The following SRRM4 variants were observed in gnomAD, a reference collection of about 807,000 sequenced individuals.
SRRM4 encodes serine/arginine repetitive matrix 4, also known as serine/arginine repetitive matrix protein 4.
A neutral mutation model predicts 68.9 loss-of-function variants in SRRM4; 33 were observed. That is an observed-to-expected ratio of 0.48 (90% CI 0.36 to 0.64). The LOEUF (loss-of-function observed/expected upper bound fraction) is 0.64. SRRM4 is among the 30% of genes least tolerant of loss of function. The pLI, the probability that SRRM4 is intolerant of heterozygous loss-of-function variation, is 0.00. For missense variants in SRRM4, 817 were observed against 827.1 expected, an observed-to-expected ratio of 0.99 and a Z score of 0.15; for synonymous variants, 318 against 318.8, an observed-to-expected ratio of 1.00 and a Z score of 0.03.
intron 1 of SRRM4, among the ~76,000 whole-genome samples, chr12:119,040,997 G>C (rs1489444824): frequency 6.6e-6 from 1 of 151,898 alleles, no homozygotes; most frequent in Non-Finnish European, 1.5e-5. Context: ...TGATCCACTC[G>C]CCTCAGCCTC....
At chr12:118,982,669 G>GT (rs10533651) in intron 1 of SRRM4, among the ~76,000 whole-genome samples, 1,985 of 115,242 alleles carry the variant, frequency 0.017, 44 homozygotes, top group African/African-American at 0.052. Context: ...GTTTTATTTT[G>GT]TTTTTTTTTG....
At chr12:119,052,824 T>C (rs1020152975) in intron 1 of SRRM4, among the ~76,000 whole-genome samples, 1 of 152,182 alleles carries the variant, frequency 6.6e-6, no homozygotes, top group African/African-American at 2.4e-5. Flanking sequence ...CCACCACACC[T>C]GGCCTAAGAT....
At chr12:119,152,508 A>C (rs1954446193) in intron 10 of SRRM4, among the ~76,000 whole-genome samples, 1 of 150,506 alleles carries the variant, frequency 6.6e-6, no homozygotes, top group Non-Finnish European at 1.5e-5. Context: ...CATTATTAAC[A>C]AAAAAAAGAT....
At chr12:119,104,123 C>T (rs1477754935) in intron 2 of SRRM4, among the ~76,000 whole-genome samples, 1 of 152,172 alleles carries the variant, frequency 6.6e-6, no homozygotes, top group Non-Finnish European at 1.5e-5. Context: ...CCTCAGTGTT[C>T]ACAGCTATAA....
intron 1 of SRRM4, chr12:118,989,878 G>C (rs1439180590): frequency 2.0e-5 from 3 of 152,222 alleles, no homozygotes; most frequent in Non-Finnish European, 4.4e-5. Flanking sequence ...TTCGTTAAAA[G>C]TTAAGCTTAG....
In SRRM4 at chr12:119,160,724, G is replaced by A. The variant is rs1954508021; in HGVS notation, c.*3926G>A. On this transcript the variant is annotated 3_prime_UTR_variant, in exon 13 of 13. Transcript: ENST00000267260. ...AATTCAAAATGTTGGCCTGAGGCCT[G>A]AGAGTGTCACCAAAGACAGAGGGAG... The A allele has an allele frequency of 6.6e-6, 1 of 152,216 alleles. No individual in the cohort carries two copies. The highest frequency in any genetic ancestry group is 1.5e-5 in the Non-Finnish European group (1 of 68,052). The allele number at this position is 152,216 out of a possible 1,614,324, so 9.4% of individuals were successfully genotyped here. A position where few individuals can be genotyped will look rare whatever the true frequency, so the allele number is the denominator to read the frequency against.
At chr12:119,058,363 A>G (rs1953790083) in intron 1 of SRRM4, among the ~76,000 whole-genome samples, 1 of 152,226 alleles carries the variant, frequency 6.6e-6, no homozygotes, top group Non-Finnish European at 1.5e-5. Flanking sequence ...ATTGTACCCC[A>G]GACACTGTAT....
chr12:119,020,958 G>T (rs1449707177), intron 1 of SRRM4, among the ~76,000 whole-genome samples: 1 of 152,188 alleles, frequency 6.6e-6, no homozygotes, highest in Non-Finnish European at 1.5e-5. Flanking sequence ...TAGAGGCAGC[G>T]GGAAAGTGAT....
At position 119,098,800 on chromosome 12, in the gene SRRM4, T is replaced by C. The variant is rs79658600; in HGVS notation, c.132-3436T>C. Among the ~76,000 whole-genome samples, 909 of 152,326 alleles carry C rather than the reference T, an allele frequency of 6.0e-3. 8 individuals are homozygous for C. Among genetic ancestry groups the C allele is most frequent in the African/African-American group, 0.021 (871 of 41,568 alleles). On this transcript the variant is annotated intron_variant, in intron 1 of 12. Transcript: ENST00000267260. Reference sequence around the variant, plus strand: ...TCCTTCTCCTGTCTTACTCTCTTACTTCTCACATTTAGCCAGCAGTAAATC... The same window carrying C: ...TCCTTCTCCTGTCTTACTCTCTTACCTCTCACATTTAGCCAGCAGTAAATC...
At position 119,005,603 on chromosome 12, in the gene SRRM4, G is replaced by A. The variant is rs143605211; in HGVS notation, c.131+23590G>A. Among the ~76,000 whole-genome samples, 22 of 152,336 alleles carry A rather than the reference G, an allele frequency of 1.4e-4. No homozygotes were observed. The East Asian group carries it at 3.7e-3, about 25-fold the overall frequency. The stretch of plus-strand genomic sequence containing the variant: ...TATAACTGTGTCCTTCAGCAGTCAC[G>A]TGGGCTTCAGTCTCCTTCTTCTGTA... On this transcript the variant is annotated intron_variant, in intron 1 of 12. Coordinates refer to ENST00000267260, the MANE Select transcript of SRRM4 (RefSeq NM_194286.4).
chr12:119,076,157 GATGATGATGACA>G (rs1179249206), intron 1 of SRRM4, among the ~76,000 whole-genome samples: 3 of 152,132 alleles, frequency 2.0e-5, no homozygotes, highest in Non-Finnish European at 4.4e-5. Context: ...GAATAATGAT[GATGATGATGACA>G]ATGATGATGA....
At chr12:118,998,332 G>A (rs1953362710) in intron 1 of SRRM4, among the ~76,000 whole-genome samples, 1 of 139,708 alleles carries the variant, frequency 7.2e-6, no homozygotes, top group South Asian at 2.3e-4. Context: ...TAACCAATTG[G>A]TAGTTGTGGT....
intron 1 of SRRM4, among the ~76,000 whole-genome samples, chr12:119,049,159 A>G (rs1953726036): frequency 6.6e-6 from 1 of 152,220 alleles, no homozygotes; most frequent in Admixed American, 6.5e-5. Context: ...ACACGTGGTA[A>G]GGGGGATAGG....
At chr12:119,127,901 C>T (rs1449603038) in intron 7 of SRRM4, among the ~76,000 whole-genome samples, 1 of 152,112 alleles carries the variant, frequency 6.6e-6, no homozygotes, top group African/African-American at 2.4e-5. Context: ...GATAATACTA[C>T]GTGCTATGCT....
intron 1 of SRRM4, among the ~76,000 whole-genome samples, chr12:119,072,444 G>A (rs1436396537): frequency 6.6e-6 from 1 of 152,158 alleles, no homozygotes; most frequent in Non-Finnish European, 1.5e-5. Context: ...TGAAGAAAGG[G>A]AGCAGGGAGG....
At chr12:118,991,599 A>T (rs1953317314) in intron 1 of SRRM4, 1 of 151,912 alleles carries the variant, frequency 6.6e-6, no homozygotes, top group Admixed American at 6.5e-5. Context: ...CAGGGACCAA[A>T]CACATGTTGG....
chr12:119,072,718 A>G (rs1953885500), intron 1 of SRRM4, among the ~76,000 whole-genome samples: 1 of 152,182 alleles, frequency 6.6e-6, no homozygotes, highest in South Asian at 2.1e-4. Flanking sequence ...CAGATAGGCT[A>G]TCTTCTCCAA....
chr12:119,130,730 C>T lies in SRRM4; in HGVS notation c.667C>T (p.Arg223Cys), dbSNP rs368181623. Reference protein sequence around the residue: ...EGQKSRRRHSRRCSKTLCKDS... With the variant: ...EGQKSRRRHSCRCSKTLCKDS... The stretch of plus-strand genomic sequence containing the variant: ...GCAGAAGTCCCGCCGAAGGCACTCC[C>T]GCCGCTGCTCCAAGACCCTCTGCAA... Residue 223 changes from arginine to cysteine, a missense_variant, in exon 8 of 13, where the codon CGC (arginine) becomes TGC (cysteine). By Grantham distance (180) the Arg-to-Cys change is radical. Transcript: ENST00000267260. The T allele has an allele frequency of 2.2e-5, 36 of 1,611,396 alleles. No individual in the cohort carries two copies. Among genetic ancestry groups the T allele is most frequent in the African/African-American group, 5.3e-5 (4 of 74,922 alleles).
At chr12:119,050,946 C>A (rs1330025334) in intron 1 of SRRM4, among the ~76,000 whole-genome samples, 1 of 152,162 alleles carries the variant, frequency 6.6e-6, no homozygotes, top group African/African-American at 2.4e-5. Flanking sequence ...CTGTGGCTCC[C>A]ATATTGGACA....
Sources: gnomAD v4.1 joint callset for allele counts (sites outside exome capture counted in the v4.1 genomes callset) on GRCh38, gnomAD v4.1.1 for gene constraint, MANE v1.5 for transcripts, NCBI Gene and HGNC (gene_info 2026-07-23, HGNC 2026-07-21) for gene names.